The following TMEM45B variants were observed in gnomAD, a reference collection of about 807,000 sequenced individuals.
TMEM45B encodes the protein transmembrane protein 45B.
Under a neutral mutation model 27.3 loss-of-function variants are expected in TMEM45B, and 29 were observed. That is an observed-to-expected ratio of 1.06 (90% confidence interval 0.79 to 1.45). The LOEUF (loss-of-function observed/expected upper bound fraction) is 1.45, where lower values mean the gene tolerates loss of function less well. Ranked by LOEUF, TMEM45B falls within the 40% of genes most tolerant of loss-of-function variation. The probability of loss-of-function intolerance (pLI) is 0.00; values close to 1 mark genes in which losing one functional copy is unlikely to be tolerated. For synonymous variants in TMEM45B, 143 were observed against 134.7 expected, an observed-to-expected ratio of 1.06 and a Z score of -0.43; for missense variants, 348 against 343.9, an observed-to-expected ratio of 1.01 and a Z score of -0.09.
At chr11:129,850,074 G>T (rs1192455212) in intron 1 of TMEM45B, among the ~76,000 whole-genome samples, 1 of 151,948 alleles carries the variant, frequency 6.6e-6, no homozygotes, top group Non-Finnish European at 1.5e-5. Flanking sequence ...GCTAGGCTGA[G>T]AATTTTTCAG....
intron 1 of TMEM45B, among the ~76,000 whole-genome samples, chr11:129,816,732 C>CTTTTTTTTTT (rs869217352): frequency 5.0e-5 from 4 of 79,760 alleles, no homozygotes; most frequent in Non-Finnish European, 6.7e-5. Flanking sequence ...ATGGCCACTT[C>CTTTTTTTTTT]TTTTTTTTTT....
chr11:129,820,190 CTA>C (rs1947401979), intron 1 of TMEM45B, among the ~76,000 whole-genome samples: 1 of 152,002 alleles, frequency 6.6e-6, no homozygotes, highest in Non-Finnish European at 1.5e-5. Context: ...TAGCAGGCGC[CTA>C]TAGTCCCAGC....
intron 1 of TMEM45B, among the ~76,000 whole-genome samples, chr11:129,846,206 G>A (rs1947758659): frequency 1.3e-5 from 2 of 152,298 alleles, no homozygotes; most frequent in African/African-American, 2.4e-5. Context: ...GGTGGCTCAC[G>A]CCTGTAATCC....
At chr11:129,822,896 A>G (rs540068453) in intron 1 of TMEM45B, among the ~76,000 whole-genome samples, 423 of 145,328 alleles carry the variant, frequency 2.9e-3, no homozygotes, top group African/African-American at 0.011. Context: ...GCTGGAGTGC[A>G]GTGGCGCGAT....
At chr11:129,844,510 A>G (rs191016312) in intron 1 of TMEM45B, among the ~76,000 whole-genome samples, 1 of 152,224 alleles carries the variant, frequency 6.6e-6, no homozygotes, top group East Asian at 1.9e-4. Flanking sequence ...ACATAGCGAG[A>G]CGTTGTCTCT....
At chr11:129,854,906 A>G in intron 3 of TMEM45B, 90 bp downstream of exon 3, 1 of 1,463,270 alleles carries the variant, frequency 6.8e-7, no homozygotes, top group Non-Finnish European at 9.4e-7. Context: ...AATGTTGCAA[A>G]TATAATAACC....
chr11:129,826,771 G>A (rs1483042200), intron 1 of TMEM45B, among the ~76,000 whole-genome samples: 6 of 148,942 alleles, frequency 4.0e-5, no homozygotes, highest in East Asian at 4.1e-4. Flanking sequence ...GCAGTGGCGC[G>A]ATCTCGGCTC....
At position 129,841,584 on chromosome 11, in the gene TMEM45B, G is replaced by GTTT. The variant is rs1192996579; in HGVS notation, c.-8-10886_-8-10884dup. On this transcript the variant is annotated intron_variant, in intron 1 of 5. Coordinates refer to ENST00000281441, the MANE Select transcript of TMEM45B (RefSeq NM_138788.5). ...TGTAATGGGCTTGAAGTTTTCTTTT[G>GTTT]TTTTTTTGTTTTTTTTTTTTTTTTG... Among the ~76,000 whole-genome samples the GTTT allele has an allele frequency of 3.4e-3, 353 of 102,460 alleles. 2 individuals are homozygous for GTTT. The highest frequency in any genetic ancestry group is 0.011 in the African/African-American group (316 of 28,138). The allele number at this position is 102,460 out of a possible 152,430, so 67.2% of individuals were successfully genotyped here.
In TMEM45B at chr11:129,858,745, C is replaced by A; in HGVS notation, c.*60C>A. ...CAGCTGGAATGAATGGAGTTCATCC[C>A]CTCCACCTGAATGCCTGCTGTGGTC... On this transcript the variant is annotated 3_prime_UTR_variant, in exon 6 of 6. Coordinates refer to ENST00000281441, the MANE Select transcript of TMEM45B (RefSeq NM_138788.5). 7.9e-7 allele frequency: 1 copy of A among 1,270,688 alleles called. No individual in the cohort carries two copies. The highest frequency in any genetic ancestry group is 1.1e-6 in the Non-Finnish European group (1 of 901,262). The allele number at this position is 1,270,688 out of a possible 1,614,324, so 78.7% of individuals were successfully genotyped here. A position where few individuals can be genotyped will look rare whatever the true frequency, so the allele number is the denominator to read the frequency against.
intron 1 of TMEM45B, among the ~76,000 whole-genome samples, chr11:129,821,981 T>C (rs1457983075): frequency 6.6e-6 from 1 of 152,196 alleles, no homozygotes; most frequent in Non-Finnish European, 1.5e-5. Flanking sequence ...AATTTCCTCG[T>C]TCTTTCTTTC....
intron 1 of TMEM45B, among the ~76,000 whole-genome samples, chr11:129,837,430 T>TGGGGTACA (rs1189390765): frequency 6.6e-6 from 1 of 151,288 alleles, no homozygotes; most frequent in East Asian, 2.0e-4. Flanking sequence ...GGATTACAGG[T>TGGGGTACA]GCCCACGACC....
At chr11:129,848,972 T>C (rs768425779) in intron 1 of TMEM45B, among the ~76,000 whole-genome samples, 3 of 152,134 alleles carry the variant, frequency 2.0e-5, no homozygotes, top group Non-Finnish European at 4.4e-5. Flanking sequence ...CATCTAATAC[T>C]ATCACACCGG....
At position 129,858,472 on chromosome 11, in the gene TMEM45B, A is replaced by G. The variant is rs572784045; in HGVS notation, c.717-102A>G. 398 of 727,392 alleles carry G rather than the reference A, an allele frequency of 5.5e-4. 2 individuals carry two copies. The African/African-American group carries it at 6.0e-3, about 11-fold the overall frequency. 45.1% of individuals were successfully genotyped at this position (727,392 alleles called of 1,614,324 possible). On this transcript the variant is annotated intron_variant, in intron 5 of 5. Coordinates refer to ENST00000281441, the MANE Select transcript of TMEM45B (RefSeq NM_138788.5). ...CATGTAATCACAGTATTTGATAGAA[A>G]TATAAAGAAAATAGTTTAAGAATCA...
intron 1 of TMEM45B, among the ~76,000 whole-genome samples, chr11:129,816,245 T>C (rs1947349421): frequency 6.6e-6 from 1 of 152,088 alleles, no homozygotes; most frequent in African/African-American, 2.4e-5. Context: ...GTCTGCCGCG[T>C]TGCCCGGTGA....
At chr11:129,837,777 C>CTTTTTTT (rs1159669879) in intron 1 of TMEM45B, among the ~76,000 whole-genome samples, 22 of 69,028 alleles carry the variant, frequency 3.2e-4, no homozygotes, top group Non-Finnish European at 4.5e-4. Context: ...AGGCTAGTTT[C>CTTTTTTT]TTTTTTTTTT....
At chr11:129,848,340 G>C (rs978161752) in intron 1 of TMEM45B, among the ~76,000 whole-genome samples, 4 of 152,272 alleles carry the variant, frequency 2.6e-5, no homozygotes, top group Admixed American at 2.0e-4. Flanking sequence ...GCGAAACCCC[G>C]TCTCCACCAA....
intron 1 of TMEM45B, 146 bp downstream of exon 1, chr11:129,816,044 T>C: frequency 8.5e-7 from 1 of 1,183,038 alleles, no homozygotes; most frequent in Non-Finnish European, 1.1e-6. Flanking sequence ...AGGGAGGGGC[T>C]CTGGGACAGG....
chr11:129,851,542 T>TAAAAAAAAAAAAAA (rs1947846295), intron 1 of TMEM45B, among the ~76,000 whole-genome samples: 1 of 21,944 alleles, frequency 4.6e-5, no homozygotes, highest in Non-Finnish European at 7.8e-5. Flanking sequence ...AAACTCTGCC[T>TAAAAAAAAAAAAAA]CAAAAAAAAA....
intron 4 of TMEM45B, 52 bp downstream of exon 4, chr11:129,855,944 C>T (rs980138180): frequency 1.5e-5 from 24 of 1,593,204 alleles, no homozygotes; most frequent in Non-Finnish European, 2.1e-5. Context: ...AAGCCCCCAC[C>T]GAGCGCATCC....
Sources: allele counts gnomAD v4.1 joint callset (sites outside exome capture counted in the v4.1 genomes callset), GRCh38; gene constraint gnomAD v4.1.1; transcripts MANE v1.5; gene names NCBI Gene and HGNC (gene_info 2026-07-23, HGNC 2026-07-21).